The following LCORL variants were observed in gnomAD, a reference collection of about 807,000 sequenced individuals.
LCORL encodes the protein ligand-dependent nuclear receptor corepressor-like protein.
In LCORL, 41 loss-of-function variants were observed where a neutral mutation model predicts 141.8. That is an observed-to-expected ratio of 0.29 (90% CI 0.23 to 0.38). The LOEUF (loss-of-function observed/expected upper bound fraction) is 0.38. LCORL is among the 10% of genes least tolerant of loss of function. LCORL has a pLI of 1.00. For synonymous variants in LCORL, 618 were observed against 694.1 expected (o/e 0.89, Z 1.72); for missense variants, 1,759 against 2,035.0 (o/e 0.86, Z 2.61).
intron 1 of LCORL, among the ~76,000 whole-genome samples, chr4:17,995,968 T>C (rs908816238): frequency 2.9e-4 from 44 of 152,132 alleles, no homozygotes; most frequent in African/African-American, 1.0e-3. Context: ...ACCTCATATA[T>C]TGAAAATTTA....
intron 4 of LCORL, among the ~76,000 whole-genome samples, chr4:17,942,401 T>C (rs1163781424): frequency 6.6e-6 from 1 of 152,162 alleles, no homozygotes; most frequent in Non-Finnish European, 1.5e-5. Flanking sequence ...CCAAGACTCA[T>C]ACTATTGCTC....
intron 1 of LCORL, among the ~76,000 whole-genome samples, chr4:18,018,223 T>A (rs1724916071): frequency 6.6e-6 from 1 of 152,136 alleles, no homozygotes. Flanking sequence ...GCTAATTATA[T>A]TATACATTTC....
In LCORL at chr4:17,962,154, CAAAT is replaced by C. The variant is rs1455276695; in HGVS notation, c.301-126_301-123del. 2.5e-4 allele frequency: 119 copies of C among 480,274 alleles called. 1 individual carries two copies. In the East Asian group the frequency reaches 4.3e-3, roughly 17 times the overall value. The allele number at this position is 480,274 out of a possible 1,614,324, so 29.8% of individuals were successfully genotyped here. On this transcript the variant is annotated intron_variant, in intron 3 of 7. Coordinates refer to ENST00000635767, the Ensembl canonical transcript of LCORL. Reference sequence around the variant, plus strand: ...ATTTGTTCTGCTCTTTAAATTGTATCAAATTAGATAGAGGGAACATAAAATTCAG... The same window carrying C: ...ATTTGTTCTGCTCTTTAAATTGTATCTAGATAGAGGGAACATAAAATTCAG...
chr4:17,889,445 C>A (rs1728764788), intron 5 of LCORL, among the ~76,000 whole-genome samples: 2 of 151,928 alleles, frequency 1.3e-5, no homozygotes, highest in African/African-American at 2.4e-5. Context: ...CATTAAAATT[C>A]TTTTATCAAT....
chr4:18,014,977 T>C (rs1452529581), intron 1 of LCORL, among the ~76,000 whole-genome samples: 1 of 152,208 alleles, frequency 6.6e-6, no homozygotes, highest in Non-Finnish European at 1.5e-5. Context: ...GAATGCTAGT[T>C]ATATATACCA....
intron 1 of LCORL, among the ~76,000 whole-genome samples, chr4:17,992,295 C>T (rs765239718): frequency 1.3e-4 from 20 of 152,086 alleles, no homozygotes; most frequent in Non-Finnish European, 2.5e-4. Flanking sequence ...CATCAGATCT[C>T]GTGAGAACTC....
At chr4:18,019,132 G>T (rs891638536) in intron 1 of LCORL, among the ~76,000 whole-genome samples, 1 of 152,086 alleles carries the variant, frequency 6.6e-6, no homozygotes, top group African/African-American at 2.4e-5. Context: ...ATAACAATGG[G>T]ATTCGAGACC....
intron 4 of LCORL, among the ~76,000 whole-genome samples, chr4:17,946,238 C>T (rs1230994667): frequency 6.6e-6 from 1 of 151,996 alleles, no homozygotes; most frequent in Non-Finnish European, 1.5e-5. Context: ...TTCACACCAT[C>T]TTTTGAGTAG....
In LCORL at chr4:17,853,880, A is replaced by G. The variant is rs142379570; in HGVS notation, c.5603-7979T>C. Among the ~76,000 whole-genome samples the G allele has an allele frequency of 1.3e-4, 19 of 145,788 alleles. No homozygotes were observed. In the South Asian group the frequency reaches 2.8e-3, roughly 21 times the overall value. On this transcript the variant is annotated intron_variant, in intron 7 of 7. Transcript: ENST00000635767. ...AACCCTCAAGCAGTACTTACTTAAC[A>G]TATTAGGAGTATTTAAAAAAAGTGA...
chr4:17,938,352 ATTAATAATAGATCCT>A (rs939463739), intron 4 of LCORL, among the ~76,000 whole-genome samples: 7 of 151,632 alleles, frequency 4.6e-5, no homozygotes, highest in African/African-American at 1.5e-4. Flanking sequence ...GATGTTACAA[ATTAATAATAGATCCT>A]TTAATGATCT....
At chr4:17,859,283 T>C (rs1724719795) in intron 7 of LCORL, among the ~76,000 whole-genome samples, 1 of 152,194 alleles carries the variant, frequency 6.6e-6, no homozygotes. Context: ...ATAGGTTAAG[T>C]GTATTAAATG....
rs576338728 is a variant in LCORL, at chr4:17,893,686, T to C, written c.683-7525A>G. 4.2e-4 allele frequency: 262 copies of C among 618,000 alleles called. 3 individuals are homozygous for C. Among genetic ancestry groups the C allele is most frequent in the Non-Finnish European group, 4.9e-4 (244 of 494,172 alleles). 38.3% of individuals were successfully genotyped at this position (618,000 alleles called of 1,614,324 possible). A position where few individuals can be genotyped will look rare whatever the true frequency, so the allele number is the denominator to read the frequency against. ...GCTATCTTCTAATGCATAATTTGCA[T>C]TGAAATTTCTTGAGTCCAAAATGTG... is the stretch of plus-strand genomic sequence containing the variant. On this transcript the variant is annotated intron_variant, in intron 5 of 7. Coordinates refer to ENST00000635767, the Ensembl canonical transcript of LCORL.
intron 4 of LCORL, among the ~76,000 whole-genome samples, chr4:17,915,735 A>G (rs879372936): frequency 3.3e-5 from 5 of 152,232 alleles, no homozygotes; most frequent in Non-Finnish European, 5.9e-5. Context: ...TGTCCAATGA[A>G]TTGGATGATC....
In LCORL at chr4:18,021,713, G is replaced by GGCGGCGGCA; in HGVS notation, c.30_38dup (p.Ala20_Ala22dup). 6.6e-7 allele frequency: 1 copy of GGCGGCGGCA among 1,525,396 alleles called. No homozygotes were observed. Among genetic ancestry groups the GGCGGCGGCA allele is most frequent in the East Asian group, 2.5e-5 (1 of 39,796 alleles). The allele number at this position is 1,525,396 out of a possible 1,614,324, so 94.5% of individuals were successfully genotyped here. ...CGGCGGCGGCGGCGGCGGCAGCAGC[G>GGCGGCGGCA]GCGGCGGCAGCGGCCATTCTCTCTC... is the stretch of plus-strand genomic sequence containing the variant. On this transcript the variant is annotated inframe_insertion, in exon 1 of 8. Coordinates refer to ENST00000635767, the Ensembl canonical transcript of LCORL. The surrounding 1 kb of genome is among the most constrained non-coding windows in gnomAD (Gnocchi z 5.5).
At chr4:17,909,371 C>G in intron 4 of LCORL, 26 bp from the exon 5 acceptor site, 1 of 1,497,752 alleles carries the variant, frequency 6.7e-7, no homozygotes, top group Non-Finnish European at 8.9e-7. Flanking sequence ...ATATAATAAT[C>G]ATTTTAAAAA....
At chr4:17,941,622 A>G (rs1737975267) in intron 4 of LCORL, among the ~76,000 whole-genome samples, 1 of 152,332 alleles carries the variant, frequency 6.6e-6, no homozygotes, top group Middle Eastern at 3.4e-3. Flanking sequence ...GAAGAGATGA[A>G]TAATAATGGC....
At chr4:17,982,417 G>A (rs1001927711) in intron 1 of LCORL, among the ~76,000 whole-genome samples, 4 of 152,090 alleles carry the variant, frequency 2.6e-5, no homozygotes, top group African/African-American at 7.2e-5. Flanking sequence ...TAAGTGTTCC[G>A]TTTTCTCTGC....
chr4:17,886,565 G>A (rs776494241), intron 5 of LCORL, among the ~76,000 whole-genome samples: 3 of 152,008 alleles, frequency 2.0e-5, no homozygotes, highest in Non-Finnish European at 4.4e-5. Context: ...AATAGAAAAT[G>A]TGATGATGAG....
Position 17,897,235 on chromosome 4 carries a change from T to C in LCORL, c.683-11074A>G, listed in dbSNP as rs1030533157. Among the ~76,000 whole-genome samples, 87 of 134,848 alleles carry C rather than the reference T, an allele frequency of 6.5e-4. 2 individuals carry two copies. The highest frequency in any genetic ancestry group is 1.4e-3 in the African/African-American group (51 of 37,490). 88.5% of individuals were successfully genotyped at this position (134,848 alleles called of 152,430 possible). ...TTTCTTTTTTTTTTTTTTTTTTTTT[T>C]TTTTTTTTTTTTTTTTAGGGTATAT... On this transcript the variant is annotated intron_variant, in intron 5 of 7. Transcript: ENST00000635767.
Sources: gnomAD v4.1 joint callset for allele counts (sites outside exome capture counted in the v4.1 genomes callset) on GRCh38, gnomAD v4.1.1 for gene constraint, Gnocchi (gnomAD v3.1) non-coding constraint, MANE v1.5 for transcripts, NCBI Gene and HGNC (gene_info 2026-07-23, HGNC 2026-07-21) for gene names.